PARD3: variants seen among roughly 807,000 people sequenced by gnomAD.
PARD3 encodes par-3 family cell polarity regulator, also known as partitioning defective 3 homolog.
Under a neutral mutation model 155.4 loss-of-function variants are expected in PARD3, and 75 were observed. The observed-to-expected ratio is 0.48, with a 90% CI of 0.40 to 0.58. The LOEUF (loss-of-function observed/expected upper bound fraction) is 0.58. Among genes scored for constraint, PARD3 ranks in the 20% least tolerant of loss-of-function variants. The probability of loss-of-function intolerance (pLI) is 0.00; values close to 1 mark genes in which losing one functional copy is unlikely to be tolerated. For missense variants in PARD3, 1,642 were observed against 1,721.7 expected, an observed-to-expected ratio of 0.95 and a Z score of 0.82; for synonymous variants, 576 against 610.5, an observed-to-expected ratio of 0.94 and a Z score of 0.83.
At chr10:34,210,079 T>A (rs181346739) in intron 22 of PARD3, among the ~76,000 whole-genome samples, 4 of 152,220 alleles carry the variant, frequency 2.6e-5, no homozygotes, top group Non-Finnish European at 5.9e-5. Context: ...TGTGAACATG[T>A]GAGTGATACT....
At chr10:34,461,519 T>A (rs2077651035) in intron 4 of PARD3, among the ~76,000 whole-genome samples, 1 of 152,080 alleles carries the variant, frequency 6.6e-6, no homozygotes, top group Admixed American at 6.6e-5. Context: ...GGCAGGAGTT[T>A]CGCTTGAACC....
chr10:34,493,484 C>A (rs1408909437), intron 3 of PARD3, among the ~76,000 whole-genome samples: 1 of 152,134 alleles, frequency 6.6e-6, no homozygotes, highest in African/African-American at 2.4e-5. Flanking sequence ...GTAATCTCAG[C>A]ATTTTGGGAG....
At chr10:34,219,513 A>G (rs577654390) in intron 22 of PARD3, among the ~76,000 whole-genome samples, 4 of 152,276 alleles carry the variant, frequency 2.6e-5, no homozygotes, top group African/African-American at 9.6e-5. Context: ...TTTCTATGCA[A>G]TGGCGTAGTA....
intron 3 of PARD3, among the ~76,000 whole-genome samples, chr10:34,508,030 A>C (rs1233388354): frequency 6.6e-6 from 1 of 152,230 alleles, no homozygotes; most frequent in African/African-American, 2.4e-5. Flanking sequence ...GGTGTTGGAT[A>C]TTCTAGAAAG....
intron 3 of PARD3, among the ~76,000 whole-genome samples, chr10:34,484,738 G>A (rs1451603570): frequency 6.6e-6 from 1 of 152,134 alleles, no homozygotes; most frequent in Non-Finnish European, 1.5e-5. Context: ...AGCACTACAG[G>A]AACATCTAAG....
intron 22 of PARD3, among the ~76,000 whole-genome samples, chr10:34,132,788 A>G (rs1176826906): frequency 1.3e-5 from 2 of 152,112 alleles, no homozygotes; most frequent in Non-Finnish European, 2.9e-5. Flanking sequence ...TGCACCCAAA[A>G]GTTGCCTTTT....
At chr10:34,652,016 C>A (rs1412938368) in intron 2 of PARD3, among the ~76,000 whole-genome samples, 1 of 152,176 alleles carries the variant, frequency 6.6e-6, no homozygotes, top group Non-Finnish European at 1.5e-5. Flanking sequence ...GCATCTGACC[C>A]ACACGGCCAG....
chr10:34,185,037 G>A (rs573158365), intron 22 of PARD3, among the ~76,000 whole-genome samples: 1 of 152,086 alleles, frequency 6.6e-6, no homozygotes, highest in Non-Finnish European at 1.5e-5. Flanking sequence ...TCTCTATTCT[G>A]TTTAAACAAA....
chr10:34,739,475 T>A (rs1431609391), intron 1 of PARD3, among the ~76,000 whole-genome samples: 3 of 152,198 alleles, frequency 2.0e-5, no homozygotes, highest in Non-Finnish European at 4.4e-5. Context: ...TGACTTATAT[T>A]AATTAAAATG....
At chr10:34,624,402 G>A (rs1344866984) in intron 2 of PARD3, among the ~76,000 whole-genome samples, 1 of 152,150 alleles carries the variant, frequency 6.6e-6, no homozygotes, top group Non-Finnish European at 1.5e-5. Context: ...TGTGACTAAG[G>A]GCAGTCTTTT....
chr10:34,198,845 G>C lies in PARD3; in HGVS notation c.3420-67262C>G, dbSNP rs1026949383. On this transcript the variant is annotated intron_variant, in intron 22 of 24. Transcript: ENST00000374788. ...TCCCATGTATTTGGGACTGTGTCAC[G>C]ATGGGTGATCATTAATGCTCAGGAG... 2.6e-5 allele frequency among the ~76,000 whole-genome samples: 4 copies of C among 152,228 alleles called. No individual in the cohort carries two copies. The South Asian group carries it at 6.2e-4, about 24-fold the overall frequency.
At chr10:34,282,644 A>C (rs559290213) in intron 21 of PARD3, among the ~76,000 whole-genome samples, 15 of 152,270 alleles carry the variant, frequency 9.9e-5, no homozygotes, top group Admixed American at 8.5e-4. Context: ...ATCAAGATAT[A>C]GGGGAGGTAT....
chr10:34,264,111 G>A (rs1181118777), intron 22 of PARD3, among the ~76,000 whole-genome samples: 1 of 152,150 alleles, frequency 6.6e-6, no homozygotes, highest in African/African-American at 2.4e-5. Context: ...CTATTCAGTA[G>A]AAACCATACT....
intron 14 of PARD3, among the ~76,000 whole-genome samples, chr10:34,357,719 C>T (rs1462322188): frequency 6.6e-6 from 1 of 152,202 alleles, no homozygotes; most frequent in East Asian, 1.9e-4. Context: ...CTCTTCTCCA[C>T]TCTGAGATTT....
rs375386962 is a variant in PARD3, at chr10:34,454,419, A to C, written c.583-3971T>G. On this transcript the variant is annotated intron_variant, in intron 4 of 24. Coordinates refer to ENST00000374788, the MANE Select transcript of PARD3 (RefSeq NM_001184785.2). Reference sequence around the variant, plus strand: ...TGCACTCTATTTTCAATTTGAAAATATTTGCTTTAGCATAAATAATTGTTA... The same window carrying C: ...TGCACTCTATTTTCAATTTGAAAATCTTTGCTTTAGCATAAATAATTGTTA... Among the ~76,000 whole-genome samples the C allele has an allele frequency of 3.9e-5, 6 of 152,306 alleles. No homozygotes were observed. In the East Asian group the frequency reaches 1.2e-3, roughly 29 times the overall value.
chr10:34,324,074 A>G (rs1457563872), intron 19 of PARD3, among the ~76,000 whole-genome samples: 1 of 152,254 alleles, frequency 6.6e-6, no homozygotes, highest in Admixed American at 6.5e-5. Context: ...TTTGAACAAC[A>G]TACAAACTAT....
intron 20 of PARD3, among the ~76,000 whole-genome samples, chr10:34,290,713 C>T (rs7078577): frequency 0.025 from 3,846 of 152,222 alleles, 147 homozygotes; most frequent in African/African-American, 0.088. Context: ...CTTTCTGGAA[C>T]TTTCCTGATG....
chr10:34,667,460 C>A (rs535067143), intron 2 of PARD3, among the ~76,000 whole-genome samples: 1 of 152,294 alleles, frequency 6.6e-6, no homozygotes, highest in Non-Finnish European at 1.5e-5. Flanking sequence ...TGGCATTTAC[C>A]ACGGTGTTAC....
intron 2 of PARD3, among the ~76,000 whole-genome samples, chr10:34,613,007 T>C (rs1052507495): frequency 2.6e-5 from 4 of 152,192 alleles, no homozygotes; most frequent in African/African-American, 4.8e-5. Context: ...TAAACCTACA[T>C]AGGTGACCAT....
Sources: allele counts gnomAD v4.1 joint callset (sites outside exome capture counted in the v4.1 genomes callset), GRCh38; gene constraint gnomAD v4.1.1; transcripts MANE v1.5; gene names NCBI Gene and HGNC (gene_info 2026-07-23, HGNC 2026-07-21).